NEBL: variants seen among roughly 807,000 people sequenced by gnomAD.
The protein encoded by NEBL is nebulette, also known as LIM and SH3 protein 2.
A neutral mutation model predicts 140.2 loss-of-function variants in NEBL; 122 were observed. The ratio of observed to expected loss-of-function variants is 0.87; its 90% CI spans 0.75 to 1.01. The LOEUF (loss-of-function observed/expected upper bound fraction) is 1.01. Among genes scored for constraint, NEBL ranks in the 50% least tolerant of loss-of-function variants. The pLI is 0.00. For missense variants in NEBL, 1,365 were observed against 1,231.3 expected (o/e 1.11, Z -1.62); for synonymous variants, 436 against 398.9 (o/e 1.09, Z -1.11).
intron 14 of NEBL, among the ~76,000 whole-genome samples, chr10:20,832,526 A>G (rs919549873): frequency 1.3e-5 from 2 of 152,218 alleles, no homozygotes. Flanking sequence ...GTCACATTTG[A>G]AAACTGATTA....
At chr10:21,156,883 CCTT>C (rs1243412809) in intron 2 of NEBL, among the ~76,000 whole-genome samples, 1 of 152,088 alleles carries the variant, frequency 6.6e-6, no homozygotes, top group Non-Finnish European at 1.5e-5. Context: ...AGTTTTTCCC[CCTT>C]CTTTTTAAAA....
At chr10:21,105,387 C>CCATGTGTTCT (rs1377371567) in intron 2 of NEBL, among the ~76,000 whole-genome samples, 1 of 152,000 alleles carries the variant, frequency 6.6e-6, no homozygotes, top group African/African-American at 2.4e-5. Flanking sequence ...CACCCTGGGT[C>CCATGTGTTCT]CATGTGTTCT....
At chr10:20,889,503 T>A (rs1207758716) in intron 3 of NEBL, among the ~76,000 whole-genome samples, 1 of 152,156 alleles carries the variant, frequency 6.6e-6, no homozygotes, top group South Asian at 2.1e-4. Flanking sequence ...GATATATCTA[T>A]TAGGAAACAA....
In NEBL at chr10:20,961,710, GC is replaced by G; in HGVS notation, c.318del (p.Glu106AspfsTer5). 2 of 1,613,732 alleles carry G rather than the reference GC, an allele frequency of 1.2e-6. No individual in the cohort carries two copies. The highest frequency in any genetic ancestry group is 1.7e-6 in the Non-Finnish European group (2 of 1,179,702). ...TCCTGAGTCCTCTTCAGTCTCTGTA[GC>G]TCAGGAGTGTCCGTGACGATGCTGA... On this transcript the variant is annotated frameshift_variant, in exon 4 of 7. Transcript: ENST00000417816. LOFTEE classifies it high-confidence loss of function.
At chr10:21,121,178 G>T (rs1018357879) in intron 2 of NEBL, among the ~76,000 whole-genome samples, 1 of 152,084 alleles carries the variant, frequency 6.6e-6, no homozygotes, top group Non-Finnish European at 1.5e-5. Flanking sequence ...ATCTCAAATG[G>T]CTTCAGTTCA....
At chr10:20,894,519 AAAG>A (rs1847279521) in intron 2 of NEBL, among the ~76,000 whole-genome samples, 2 of 152,098 alleles carry the variant, frequency 1.3e-5, no homozygotes, top group East Asian at 1.9e-4. Flanking sequence ...GGAAGAAAGA[AAAG>A]AAGAGAAAAA....
At chr10:21,015,609 C>T (rs753310014) in intron 3 of NEBL, among the ~76,000 whole-genome samples, 2 of 152,182 alleles carry the variant, frequency 1.3e-5, no homozygotes, top group Non-Finnish European at 2.9e-5. Flanking sequence ...CTCCTGGGCT[C>T]AACAGGATCC....
intron 4 of NEBL, among the ~76,000 whole-genome samples, chr10:20,947,733 A>C (rs1835250022): frequency 6.6e-6 from 1 of 151,804 alleles, no homozygotes; most frequent in African/African-American, 2.4e-5. Flanking sequence ...AGGAGACAAA[A>C]GGGTAATAGT....
intron 4 of NEBL, among the ~76,000 whole-genome samples, chr10:20,937,679 C>G (rs11012403): frequency 0.15 from 22,852 of 152,038 alleles, 2,273 homozygotes; most frequent in African/African-American, 0.29. Flanking sequence ...TCAGGGAATT[C>G]CCTTTCCTAG....
chr10:20,823,348 T>C, intron 18 of NEBL, 48 bp from the exon 19 acceptor site: 3 of 1,339,470 alleles, frequency 2.2e-6, no homozygotes, highest in Non-Finnish European at 3.1e-6. Flanking sequence ...TATGCAAGGC[T>C]TTAAAATATT....
At chr10:21,074,229 G>A (rs904748235) in intron 2 of NEBL, among the ~76,000 whole-genome samples, 1 of 152,104 alleles carries the variant, frequency 6.6e-6, no homozygotes, top group Non-Finnish European at 1.5e-5. Context: ...GCCTCAGCAT[G>A]AACTTCTATC....
At chr10:20,999,651 C>G (rs1044326625) in intron 3 of NEBL, among the ~76,000 whole-genome samples, 3 of 151,962 alleles carry the variant, frequency 2.0e-5, no homozygotes, top group African/African-American at 7.3e-5. Context: ...ATTCTATATC[C>G]AGGATCTATA....
chr10:21,038,204 T>C (rs1383928453), intron 2 of NEBL, among the ~76,000 whole-genome samples: 1 of 152,046 alleles, frequency 6.6e-6, no homozygotes, highest in Non-Finnish European at 1.5e-5. Context: ...CCTCCATATA[T>C]TTTTTTTATT....
intron 2 of NEBL, among the ~76,000 whole-genome samples, chr10:21,166,136 C>T (rs967572970): frequency 7.0e-6 from 1 of 142,778 alleles, no homozygotes; most frequent in Non-Finnish European, 1.5e-5. Flanking sequence ...AGGAGAATGG[C>T]GTCAATCCGG....
intron 3 of NEBL, among the ~76,000 whole-genome samples, chr10:20,962,505 C>G (rs560440287): frequency 4.6e-5 from 7 of 152,310 alleles, no homozygotes; most frequent in Admixed American, 3.9e-4. Context: ...TTTAAATATA[C>G]TTCTTTTCTA....
chr10:20,976,757 T>G (rs900050048), intron 3 of NEBL, among the ~76,000 whole-genome samples: 3 of 151,640 alleles, frequency 2.0e-5, no homozygotes, highest in Non-Finnish European at 4.4e-5. Context: ...CAATAGACAC[T>G]GGGGACTTCA....
intron 2 of NEBL, among the ~76,000 whole-genome samples, chr10:21,048,451 C>CAAAA (rs10626391): frequency 2.9e-5 from 3 of 103,166 alleles, no homozygotes; most frequent in Non-Finnish European, 5.6e-5. Context: ...AAATTTCTAC[C>CAAAA]AAAAAAAAAA....
At chr10:20,982,053 G>C (rs1564470129) in intron 3 of NEBL, among the ~76,000 whole-genome samples, 1 of 152,108 alleles carries the variant, frequency 6.6e-6, no homozygotes, top group Non-Finnish European at 1.5e-5. Flanking sequence ...CATTTCTCCT[G>C]TATCATACCT....
chr10:20,916,227 C>T (rs1231720718), intron 4 of NEBL, among the ~76,000 whole-genome samples: 2 of 152,004 alleles, frequency 1.3e-5, no homozygotes, highest in Non-Finnish European at 2.9e-5. Context: ...AACACCTTAA[C>T]CTATACAACT....
Sources: gnomAD v4.1 joint callset for allele counts (sites outside exome capture counted in the v4.1 genomes callset) on GRCh38, gnomAD v4.1.1 for gene constraint, MANE v1.5 for transcripts, NCBI Gene and HGNC (gene_info 2026-07-23, HGNC 2026-07-21) for gene names.